The following AP4S1 variants were observed in gnomAD, a reference collection of about 807,000 sequenced individuals.
AP4S1 encodes adaptor related protein complex 4 subunit sigma 1, also known as AP-4 complex subunit sigma-1.
In AP4S1, 23 loss-of-function variants were observed where a neutral mutation model predicts 19.8. That is an observed-to-expected ratio of 1.16 (90% CI 0.84 to 1.65). AP4S1 has a LOEUF of 1.65. AP4S1 is among the 40% of genes most tolerant of loss of function. The pLI, the probability that AP4S1 is intolerant of heterozygous loss-of-function variation, is 0.00. For missense variants in AP4S1, 166 were observed against 172.8 expected (o/e 0.96, Z 0.22); for synonymous variants, 46 against 54.1 (o/e 0.85, Z 0.66).
At chr14:31,039,740 G>A (rs913215894) in intron 1 of AP4S1, among the ~76,000 whole-genome samples, 1 of 151,706 alleles carries the variant, frequency 6.6e-6, no homozygotes, top group Non-Finnish European at 1.5e-5. Flanking sequence ...ACAGGCGCGC[G>A]CCACCATGCC....
At chr14:31,041,068 T>G (rs1885080769) in intron 1 of AP4S1, among the ~76,000 whole-genome samples, 1 of 110,808 alleles carries the variant, frequency 9.0e-6, no homozygotes, top group Non-Finnish European at 1.9e-5. Flanking sequence ...AGAGTGAGAC[T>G]CCATCTCAAA....
At chr14:31,026,090 G>A (rs1883887265) in intron 1 of AP4S1, 9 of 1,528,406 alleles carry the variant, frequency 5.9e-6, no homozygotes, top group Non-Finnish European at 7.0e-6. Flanking sequence ...CGTTCCCCCC[G>A]GGCGAAAGGC....
At chr14:31,081,734 A>ATGTG (rs549123012) in intron 5 of AP4S1, among the ~76,000 whole-genome samples, 3 of 151,408 alleles carry the variant, frequency 2.0e-5, no homozygotes, top group African/African-American at 7.3e-5. Context: ...ACATGTATTT[A>ATGTG]TGTGTGTGTG....
intron 1 of AP4S1, among the ~76,000 whole-genome samples, chr14:31,030,281 T>C (rs1884312262): frequency 6.6e-6 from 1 of 152,196 alleles, no homozygotes; most frequent in South Asian, 2.1e-4. Flanking sequence ...TTTTACACTA[T>C]ATTTACACCA....
At position 31,057,448 on chromosome 14, in the gene AP4S1, G is replaced by C. The variant is rs141637570; in HGVS notation, c.-71-8678G>C. On this transcript the variant is annotated intron_variant, in intron 1 of 5. Coordinates refer to ENST00000542754, the MANE Select transcript of AP4S1 (RefSeq NM_001128126.3). ...TGACAATCTGTAAAGACTCTCCTAG[G>C]TCTAACTCCCAGAAATACGCCATCA... 8.5e-3 allele frequency among the ~76,000 whole-genome samples: 1,290 copies of C among 152,180 alleles called. 20 individuals are homozygous for C. Among genetic ancestry groups the C allele is most frequent in the African/African-American group, 0.029 (1,216 of 41,520 alleles).
At chr14:31,082,861 A>AGT (rs1887719377) in intron 5 of AP4S1, among the ~76,000 whole-genome samples, 5 of 151,006 alleles carry the variant, frequency 3.3e-5, no homozygotes, top group East Asian at 2.0e-4. Context: ...GCGCCACTGC[A>AGT]CTCCAGCCTG....
chr14:31,034,726 TC>T (rs1884621756), intron 1 of AP4S1, among the ~76,000 whole-genome samples: 1 of 149,000 alleles, frequency 6.7e-6, no homozygotes, highest in Admixed American at 6.8e-5. Flanking sequence ...CAAGCTATTC[TC>T]CCACCTCAGT....
chr14:31,087,362 A>C (rs998404456), intron 5 of AP4S1, among the ~76,000 whole-genome samples: 1 of 150,988 alleles, frequency 6.6e-6, no homozygotes, highest in African/African-American at 2.4e-5. Context: ...TTTTCTTTTT[A>C]TTTTTCTTCT....
intron 1 of AP4S1, among the ~76,000 whole-genome samples, chr14:31,046,862 A>AG (rs1885439071): frequency 1.3e-5 from 2 of 151,052 alleles, no homozygotes; most frequent in African/African-American, 4.8e-5. Context: ...AAAAAAAAAA[A>AG]AAGAAGAAGT....
At chr14:31,048,084 A>G (rs1885524214) in intron 1 of AP4S1, among the ~76,000 whole-genome samples, 1 of 147,812 alleles carries the variant, frequency 6.8e-6, no homozygotes, top group Non-Finnish European at 1.5e-5. Context: ...GTATAAATAT[A>G]TTTCTTTAAT....
intron 5 of AP4S1, chr14:31,085,379 C>T: frequency 1.0e-6 from 1 of 990,720 alleles, no homozygotes; most frequent in Non-Finnish European, 1.2e-6. Context: ...GAAGCAAGAG[C>T]AGGCTGGAGT....
At chr14:31,081,134 A>G (rs1887618585) in intron 5 of AP4S1, among the ~76,000 whole-genome samples, 1 of 152,130 alleles carries the variant, frequency 6.6e-6, no homozygotes, top group African/African-American at 2.4e-5. Context: ...GGATAGCGCT[A>G]TCATAGTAGT....
chr14:31,088,535 C>T (rs572100189), intron 5 of AP4S1, among the ~76,000 whole-genome samples: 6 of 152,184 alleles, frequency 3.9e-5, no homozygotes, highest in African/African-American at 9.6e-5. Flanking sequence ...CAGCCAGGCG[C>T]GGTGGCTCAC....
chr14:31,025,858 G>A (rs1883844037), intron 1 of AP4S1, 71 bp downstream of exon 1: 3 of 1,571,462 alleles, frequency 1.9e-6, no homozygotes, highest in Non-Finnish European at 2.6e-6. Context: ...CCCCCGGCCG[G>A]GAACCCAGCC....
intron 5 of AP4S1, among the ~76,000 whole-genome samples, chr14:31,092,202 CCTT>C (rs1355195561): frequency 2.0e-5 from 3 of 152,286 alleles, no homozygotes; most frequent in Admixed American, 6.5e-5. Context: ...TTATGCCCTG[CCTT>C]CTTCATTCAT....
chr14:31,050,759 TG>T (rs1885743452), intron 1 of AP4S1, among the ~76,000 whole-genome samples: 2 of 152,246 alleles, frequency 1.3e-5, no homozygotes, highest in African/African-American at 2.4e-5. Context: ...ACTCAGATTT[TG>T]TTCACATTTC....
intron 5 of AP4S1, among the ~76,000 whole-genome samples, chr14:31,082,839 T>C (rs1026054861): frequency 8.0e-5 from 12 of 149,596 alleles, no homozygotes; most frequent in Admixed American, 6.8e-4. Context: ...GAGCTTGCAG[T>C]GAGCCGAGAT....
At chr14:31,044,055 G>C (rs962144162) in intron 1 of AP4S1, among the ~76,000 whole-genome samples, 6 of 152,112 alleles carry the variant, frequency 3.9e-5, no homozygotes, top group Non-Finnish European at 5.9e-5. Flanking sequence ...AGATAACTTT[G>C]TAAAATTATA....
intron 2 of AP4S1, among the ~76,000 whole-genome samples, chr14:31,068,382 T>C (rs1412755189): frequency 6.6e-6 from 1 of 152,214 alleles, no homozygotes; most frequent in Non-Finnish European, 1.5e-5. Flanking sequence ...ACATCAGTGC[T>C]CAGAAATAAC....
Sources: gnomAD v4.1 joint callset for allele counts (sites outside exome capture counted in the v4.1 genomes callset) on GRCh38, gnomAD v4.1.1 for gene constraint, MANE v1.5 for transcripts, NCBI Gene and HGNC (gene_info 2026-07-23, HGNC 2026-07-21) for gene names.